CNTN6: variants seen among roughly 807,000 people sequenced by gnomAD.
CNTN6 encodes the protein contactin-6.
Under a neutral mutation model 122.8 loss-of-function variants are expected in CNTN6, and 137 were observed. The observed-to-expected ratio is 1.12, with a 90% CI of 0.97 to 1.29. The LOEUF is 1.29. CNTN6 is among the 50% of genes most tolerant of loss of function. The pLI is 0.00. For missense variants in CNTN6, 1,634 were observed against 1,223.4 expected (o/e 1.34, Z -5.01); for synonymous variants, 570 against 426.0 (o/e 1.34, Z -4.16).
intron 2 of CNTN6, among the ~76,000 whole-genome samples, chr3:1,213,981 C>T (rs561519940): frequency 2.0e-5 from 3 of 152,180 alleles, no homozygotes; most frequent in African/African-American, 7.2e-5. Context: ...TACTAGCGCT[C>T]ATACTAGCTA....
intron 12 of CNTN6, among the ~76,000 whole-genome samples, chr3:1,363,792 G>A (rs1707815981): frequency 6.6e-6 from 1 of 151,932 alleles, no homozygotes; most frequent in Non-Finnish European, 1.5e-5. Flanking sequence ...AGGGATTGCT[G>A]GGTTGTATGG....
At chr3:1,203,753 T>A (rs1170308997) in intron 2 of CNTN6, among the ~76,000 whole-genome samples, 1 of 133,002 alleles carries the variant, frequency 7.5e-6, no homozygotes, top group Non-Finnish European at 1.8e-5. Flanking sequence ...CATTCCAGAT[T>A]TTTTTTAGAG....
chr3:1,315,709 A>T (rs1700002630), intron 7 of CNTN6, among the ~76,000 whole-genome samples: 1 of 151,976 alleles, frequency 6.6e-6, no homozygotes. Context: ...CTAGATGATT[A>T]ACCACGTTAA....
intron 1 of CNTN6, among the ~76,000 whole-genome samples, chr3:1,141,840 C>A (rs1270547574): frequency 1.3e-5 from 2 of 152,078 alleles, no homozygotes; most frequent in African/African-American, 4.8e-5. Flanking sequence ...TTGGGAAGTA[C>A]CAACCCTTCA....
chr3:1,203,655 C>G (rs569053194), intron 2 of CNTN6, among the ~76,000 whole-genome samples: 3 of 152,278 alleles, frequency 2.0e-5, no homozygotes, highest in African/African-American at 7.2e-5. Context: ...GGTTGATGGA[C>G]TGGCATGCTT....
rs553133775 is a variant in CNTN6, at chr3:1,114,246, A to C, written c.-83+21126A>C. On this transcript the variant is annotated intron_variant, in intron 1 of 22. Coordinates refer to ENST00000446702, the MANE Select transcript of CNTN6 (RefSeq NM_001289080.2). ...AAAGGCAGAATGACTGGTAACATTA[A>C]TTGAAGAATTCTTTATTTGTATTCA... Among the ~76,000 whole-genome samples the C allele has an allele frequency of 2.6e-5, 4 of 152,272 alleles. No individual in the cohort carries two copies. The South Asian group carries it at 8.3e-4, about 32-fold the overall frequency.
At chr3:1,240,648 G>T (rs574199902) in intron 4 of CNTN6, among the ~76,000 whole-genome samples, 5 of 151,038 alleles carry the variant, frequency 3.3e-5, no homozygotes, top group African/African-American at 1.2e-4. Context: ...TAGATCTACC[G>T]TTTGATCCAG....
At chr3:1,344,588 C>T (rs563317626) in intron 11 of CNTN6, among the ~76,000 whole-genome samples, 9 of 152,124 alleles carry the variant, frequency 5.9e-5, no homozygotes, top group South Asian at 4.1e-4. Context: ...CTGCTAGATA[C>T]GAGGAGAAGA....
chr3:1,213,409 A>G (rs995468940), intron 2 of CNTN6, among the ~76,000 whole-genome samples: 1 of 152,024 alleles, frequency 6.6e-6, no homozygotes, highest in African/African-American at 2.4e-5. Flanking sequence ...TCATATTCCC[A>G]CCATCAAAAA....
At chr3:1,163,675 C>T (rs1284936282) in intron 2 of CNTN6, among the ~76,000 whole-genome samples, 1 of 152,184 alleles carries the variant, frequency 6.6e-6, no homozygotes, top group Non-Finnish European at 1.5e-5. Flanking sequence ...CCTCAGCTTC[C>T]CTAGTTGCTG....
intron 12 of CNTN6, among the ~76,000 whole-genome samples, chr3:1,360,998 C>T (rs1352807285): frequency 6.6e-6 from 1 of 152,062 alleles, no homozygotes; most frequent in Non-Finnish European, 1.5e-5. Context: ...CAGAATCTAA[C>T]CACTTCTCTC....
At chr3:1,264,748 G>C (rs968474432) in intron 4 of CNTN6, among the ~76,000 whole-genome samples, 11 of 151,932 alleles carry the variant, frequency 7.2e-5, no homozygotes, top group African/African-American at 2.2e-4. Context: ...AAATTTTGGA[G>C]TATACAATAC....
At chr3:1,096,628 C>T (rs1315798926) in intron 1 of CNTN6, among the ~76,000 whole-genome samples, 1 of 152,184 alleles carries the variant, frequency 6.6e-6, no homozygotes, top group Non-Finnish European at 1.5e-5. Context: ...CCTATTAAGG[C>T]ACAACCTTCT....
intron 1 of CNTN6, among the ~76,000 whole-genome samples, chr3:1,111,083 A>G (rs1373724143): frequency 6.6e-6 from 1 of 152,192 alleles, no homozygotes; most frequent in East Asian, 1.9e-4. Context: ...ATTAAGTGAG[A>G]TTATTGAATC....
At chr3:1,240,486 C>G (rs908270054) in intron 4 of CNTN6, among the ~76,000 whole-genome samples, 1 of 152,142 alleles carries the variant, frequency 6.6e-6, no homozygotes, top group East Asian at 1.9e-4. Context: ...CGACCTCCCT[C>G]CTGCAAGAAT....
At chr3:1,274,012 T>C (rs1691853551) in intron 4 of CNTN6, among the ~76,000 whole-genome samples, 1 of 152,226 alleles carries the variant, frequency 6.6e-6, no homozygotes. Context: ...AATTTCTCAT[T>C]ACTCCTTTTT....
chr3:1,274,924 A>T (rs1377582904), intron 4 of CNTN6, among the ~76,000 whole-genome samples: 5 of 152,084 alleles, frequency 3.3e-5, no homozygotes, highest in Non-Finnish European at 5.9e-5. Flanking sequence ...AGGTGTGTTT[A>T]TTGGATCTTT....
At chr3:1,279,279 A>G (rs1692952803) in intron 5 of CNTN6, among the ~76,000 whole-genome samples, 1 of 152,202 alleles carries the variant, frequency 6.6e-6, no homozygotes, top group South Asian at 2.1e-4. Context: ...CTCAAATTTC[A>G]CATGATGTGG....
At chr3:1,276,952 A>C (rs185922516) in intron 4 of CNTN6, among the ~76,000 whole-genome samples, 311 of 152,256 alleles carry the variant, frequency 2.0e-3, no homozygotes, top group Non-Finnish European at 3.5e-3. Context: ...GCAATTTGGC[A>C]ATTTAGGTGG....
Sources: allele counts gnomAD v4.1 joint callset (sites outside exome capture counted in the v4.1 genomes callset), GRCh38; gene constraint gnomAD v4.1.1; transcripts MANE v1.5; gene names NCBI Gene and HGNC (gene_info 2026-07-23, HGNC 2026-07-21).